SLC20A2: variants seen among roughly 807,000 people sequenced by gnomAD.
The protein encoded by SLC20A2 is solute carrier family 20 member 2.
Under a neutral mutation model 61.0 loss-of-function variants are expected in SLC20A2, and 30 were observed. The observed-to-expected ratio is 0.49, with a 90% confidence interval of 0.37 to 0.67. The LOEUF is 0.67. SLC20A2 is among the 30% of genes least tolerant of loss of function. The pLI, the probability that SLC20A2 is intolerant of heterozygous loss-of-function variation, is 0.00. For missense variants in SLC20A2, 626 were observed against 866.4 expected, an observed-to-expected ratio of 0.72 and a Z score of 3.48; for synonymous variants, 351 against 353.3, an observed-to-expected ratio of 0.99 and a Z score of 0.07.
chr8:42,453,565 C>T (rs77580062), intron 5 of SLC20A2, among the ~76,000 whole-genome samples: 6,543 of 152,252 alleles, frequency 0.043, 217 homozygotes, highest in Non-Finnish European at 0.065. Flanking sequence ...AGAGATACCC[C>T]ATATGAGGAA....
chr8:42,425,870 G>A (rs1367358254), intron 10 of SLC20A2, among the ~76,000 whole-genome samples: 7 of 151,982 alleles, frequency 4.6e-5, no homozygotes, highest in African/African-American at 1.7e-4. Context: ...GTGAAACCCC[G>A]TCTCTACTAA....
chr8:42,426,900 G>A (rs953972840), intron 10 of SLC20A2, among the ~76,000 whole-genome samples: 3 of 152,090 alleles, frequency 2.0e-5, no homozygotes, highest in African/African-American at 4.8e-5. Flanking sequence ...TTAGTGACAC[G>A]CGTCTCCTCC....
rs776337625 is a variant in SLC20A2, at chr8:42,417,827, C to A, written c.1935G>T (p.Met645Ile). Reference sequence around the variant, plus strand: ...ATCACACATATGGAAGGATCCCATACATGAGAAGAGCCATGACAGCAGCGC... The same window carrying A: ...ATCACACATATGGAAGGATCCCATAAATGAGAAGAGCCATGACAGCAGCGC... Reference protein sequence around the residue: ...LFSAAVMALLMYGILPYV With the variant: ...LFSAAVMALLIYGILPYV Residue 645 changes from methionine to isoleucine, a missense_variant, in exon 11 of 11, where the codon ATG becomes ATT. Met to Ile is a conservative substitution (Grantham distance 10). This residue lies in a region of SLC20A2 where 138 missense variants were observed against 228.7 expected (regional missense o/e 0.60). Transcript: ENST00000520262. The A allele has an allele frequency of 3.7e-6, 6 of 1,614,142 alleles. No individual in the cohort carries two copies. Among genetic ancestry groups the A allele is most frequent in the South Asian group, 1.1e-5 (1 of 91,066 alleles).
chr8:42,433,029 G>A (rs2130980756), intron 8 of SLC20A2, among the ~76,000 whole-genome samples: 1 of 152,252 alleles, frequency 6.6e-6, no homozygotes, highest in Non-Finnish European at 1.5e-5. Flanking sequence ...TGGTGTATTT[G>A]AGGTTCACCT....
intron 1 of SLC20A2, among the ~76,000 whole-genome samples, chr8:42,486,513 T>C (rs1255553139): frequency 6.6e-6 from 1 of 152,216 alleles, no homozygotes; most frequent in African/African-American, 2.4e-5. Flanking sequence ...AGTGAGGTAG[T>C]TCTGCTAGCA....
In SLC20A2 at chr8:42,437,577, C is replaced by T; in HGVS notation, c.935G>A (p.Gly312Glu). 1 of 1,584,612 alleles carries T rather than the reference C, an allele frequency of 6.3e-7. No homozygotes were observed. The highest frequency in any genetic ancestry group is 8.6e-7 in the Non-Finnish European group (1 of 1,167,622). ...GCCATGGGTCATGGACAGTGCTCTT[C>T]CTGAAAAGGGTTAGAGAAGGTCTCA... ...SAGSHPRAAY[G>E]RALSMTHGSV... The change falls in exon 8 of 11, where the codon GGA becomes GAA. Residue 312 changes from glycine to glutamate, a missense_variant and splice_region_variant. Physicochemically the swap from Gly to Glu is moderately conservative, Grantham distance 98. This residue lies in a region of SLC20A2 where 361 missense variants were observed against 422.3 expected (regional missense o/e 0.85). Coordinates refer to ENST00000520262, the MANE Select transcript of SLC20A2 (RefSeq NM_001257180.2). The surrounding 1 kb of genome is among the most constrained non-coding windows in gnomAD (Gnocchi z 6.4).
At chr8:42,509,244 A>G (rs375167312) in intron 1 of SLC20A2, among the ~76,000 whole-genome samples, 3 of 152,226 alleles carry the variant, frequency 2.0e-5, no homozygotes, top group East Asian at 1.9e-4. Flanking sequence ...GAAAATGCTA[A>G]ACACACTTAA....
At chr8:42,516,992 C>T (rs1811355934) in intron 1 of SLC20A2, among the ~76,000 whole-genome samples, 1 of 152,144 alleles carries the variant, frequency 6.6e-6, no homozygotes, top group Admixed American at 6.6e-5. Flanking sequence ...TGAGACCGTC[C>T]ACCACCCCCC....
At chr8:42,455,628 T>TG (rs1450792892) in intron 5 of SLC20A2, among the ~76,000 whole-genome samples, 3 of 151,508 alleles carry the variant, frequency 2.0e-5, no homozygotes, top group Non-Finnish European at 4.4e-5. Context: ...GGAGCCTAGG[T>TG]GACAGAATGA....
intron 1 of SLC20A2, among the ~76,000 whole-genome samples, chr8:42,500,706 C>T (rs530716307): frequency 6.6e-6 from 1 of 152,260 alleles, no homozygotes; most frequent in Non-Finnish European, 1.5e-5. Context: ...AAACAAAGCT[C>T]AATGACACAA....
At chr8:42,477,244 C>T (rs1448218486) in intron 1 of SLC20A2, among the ~76,000 whole-genome samples, 1 of 152,132 alleles carries the variant, frequency 6.6e-6, no homozygotes, top group Non-Finnish European at 1.5e-5. Context: ...CCTCAAGCAA[C>T]TTGTAATTAC....
chr8:42,498,838 T>C lies in SLC20A2; in HGVS notation c.-265+2193A>G, dbSNP rs538290031. On this transcript the variant is annotated intron_variant, in intron 1 of 10. Transcript: ENST00000520262. Reference sequence around the variant, plus strand: ...CCAAGCCGAAAGGCAACCTGTTACATAGCGCAGTTCCCATTTAGCCATGCA... The same window carrying C: ...CCAAGCCGAAAGGCAACCTGTTACACAGCGCAGTTCCCATTTAGCCATGCA... Among the ~76,000 whole-genome samples, 8 of 152,262 alleles carry C rather than the reference T, an allele frequency of 5.3e-5. No individual in the cohort carries two copies. The East Asian group carries it at 5.8e-4, about 11-fold the overall frequency.
At chr8:42,524,850 T>G (rs1811824216) in intron 1 of SLC20A2, among the ~76,000 whole-genome samples, 1 of 152,118 alleles carries the variant, frequency 6.6e-6, no homozygotes, top group African/African-American at 2.4e-5. Flanking sequence ...CAAGAAATTC[T>G]GAGACTGAGG....
At position 42,437,669 on chromosome 8, in the gene SLC20A2, A is replaced by AGTACAAT; in HGVS notation, c.935-99_935-93dup. The AGTACAAT allele has an allele frequency of 9.2e-7, 1 of 1,090,836 alleles. No homozygotes were observed. The highest frequency in any genetic ancestry group is 1.3e-6 in the Non-Finnish European group (1 of 799,166). 67.6% of individuals were successfully genotyped at this position (1,090,836 alleles called of 1,614,324 possible). ...GAGCCTTGCTCTGTCCTCAGGGTGG[A>AGTACAAT]GTACAATGGCGCAATCTCGGCTCAC... On this transcript the variant is annotated intron_variant, in intron 7 of 10. Coordinates refer to ENST00000520262, the MANE Select transcript of SLC20A2 (RefSeq NM_001257180.2). The surrounding 1 kb of genome is among the most constrained non-coding windows in gnomAD (Gnocchi z 6.4).
At chr8:42,538,499 T>C (rs1420708128) in intron 1 of SLC20A2, among the ~76,000 whole-genome samples, 1 of 151,038 alleles carries the variant, frequency 6.6e-6, no homozygotes, top group Non-Finnish European at 1.5e-5. Flanking sequence ...CAGGCTGGAG[T>C]GGCCCTGCAC....
At chr8:42,496,013 G>A (rs1226860300) in intron 1 of SLC20A2, among the ~76,000 whole-genome samples, 1 of 152,034 alleles carries the variant, frequency 6.6e-6, no homozygotes, top group Non-Finnish European at 1.5e-5. Flanking sequence ...GCCTCCCAAA[G>A]TGCTGGGAAT....
At chr8:42,532,336 C>A (rs1054668839) in intron 1 of SLC20A2, among the ~76,000 whole-genome samples, 4 of 152,176 alleles carry the variant, frequency 2.6e-5, no homozygotes. Flanking sequence ...ATAGCACTTA[C>A]CTTTCTCTTC....
chr8:42,466,103 G>C (rs1444370340), intron 2 of SLC20A2, among the ~76,000 whole-genome samples, 186 bp from the exon 3 acceptor site: 1 of 152,188 alleles, frequency 6.6e-6, no homozygotes, highest in African/African-American at 2.4e-5. Flanking sequence ...GAAAGCTTCT[G>C]CCTTCCTCAA....
intron 5 of SLC20A2, among the ~76,000 whole-genome samples, chr8:42,445,549 A>G (rs1406820525): frequency 6.6e-6 from 1 of 152,034 alleles, no homozygotes; most frequent in Non-Finnish European, 1.5e-5. Flanking sequence ...AACATGTTGA[A>G]ACCCTATCTC....
Sources: allele counts gnomAD v4.1 joint callset (sites outside exome capture counted in the v4.1 genomes callset), GRCh38; gene constraint gnomAD v4.1.1; regional missense constraint gnomAD v4.1.1; non-coding constraint Gnocchi (gnomAD v3.1); transcripts MANE v1.5; gene names NCBI Gene and HGNC (gene_info 2026-07-23, HGNC 2026-07-21).